Variants in PDE8A observed in about 807,000 individuals in gnomAD.
The protein encoded by PDE8A is high affinity cAMP-specific and IBMX-insensitive 3',5'-cyclic phosphodiesterase 8A.
A neutral mutation model predicts 105.0 loss-of-function variants in PDE8A; 59 were observed. That is an observed-to-expected ratio of 0.56 (90% CI 0.46 to 0.70). The LOEUF (loss-of-function observed/expected upper bound fraction) is 0.70. Ranked by LOEUF, PDE8A falls within the 30% of genes least tolerant of loss-of-function variation. The probability of loss-of-function intolerance (pLI) is 0.00; values close to 1 mark genes in which losing one functional copy is unlikely to be tolerated. For missense variants in PDE8A, 1,014 were observed against 1,045.9 expected (o/e 0.97, Z 0.42); for synonymous variants, 355 against 371.9 (o/e 0.95, Z 0.52).
At chr15:84,988,572 A>G (rs2079839384) in intron 1 of PDE8A, among the ~76,000 whole-genome samples, 1 of 152,224 alleles carries the variant, frequency 6.6e-6, no homozygotes, top group South Asian at 2.1e-4. Context: ...TCTCCTGCTC[A>G]GGTTTCAGGC....
chr15:85,126,183 C>T, intron 19 of PDE8A, 24 bp from the exon 20 acceptor site: 2 of 1,584,532 alleles, frequency 1.3e-6, no homozygotes, highest in East Asian at 2.3e-5. Context: ...ATTTTGATTG[C>T]TTTGAATTCC....
chr15:85,138,640 C>CTGAT lies in PDE8A; in HGVS notation c.*741_*744dup, dbSNP rs1193057557. The CTGAT allele has an allele frequency of 2.0e-5, 3 of 152,504 alleles. No homozygotes were observed. The highest frequency in any genetic ancestry group is 6.5e-5 in the Admixed American group (1 of 15,282). 9.4% of individuals were successfully genotyped at this position (152,504 alleles called of 1,614,324 possible). ...AAATATTCATGTATGTTAAACTTTT[C>CTGAT]TGATTGAGGCTAACTGGAAAAAGCT... On this transcript the variant is annotated 3_prime_UTR_variant, in exon 22 of 22. Transcript: ENST00000394553.
intron 1 of PDE8A, among the ~76,000 whole-genome samples, chr15:85,023,511 C>T (rs2080462946): frequency 6.6e-6 from 1 of 151,918 alleles, no homozygotes; most frequent in South Asian, 2.1e-4. Context: ...CCATGGTGGT[C>T]TATACAGAAC....
At chr15:85,059,419 G>A (rs1253386115) in intron 1 of PDE8A, among the ~76,000 whole-genome samples, 2 of 152,168 alleles carry the variant, frequency 1.3e-5, no homozygotes, top group Non-Finnish European at 2.9e-5. Context: ...ATTATTGAGA[G>A]GGGGGTGTTG....
intron 1 of PDE8A, among the ~76,000 whole-genome samples, chr15:85,017,820 G>A (rs1282431747): frequency 1.4e-5 from 2 of 143,748 alleles, no homozygotes; most frequent in Non-Finnish European, 3.0e-5. Flanking sequence ...CTGGGAGACA[G>A]AGGTTGCAGT....
intron 16 of PDE8A, among the ~76,000 whole-genome samples, chr15:85,116,645 T>A (rs556600289): frequency 1.5e-4 from 23 of 152,248 alleles, no homozygotes; most frequent in African/African-American, 5.5e-4. Context: ...CCAAAGGTGG[T>A]AGTTGGCTGG....
intron 11 of PDE8A, among the ~76,000 whole-genome samples, chr15:85,107,274 G>T (rs868819469): frequency 3.4e-4 from 51 of 152,166 alleles, no homozygotes; most frequent in African/African-American, 1.2e-3. Flanking sequence ...ATAGTTCAAG[G>T]TGGATAGAGA....
intron 1 of PDE8A, among the ~76,000 whole-genome samples, chr15:85,007,410 C>T (rs988990509): frequency 6.7e-6 from 1 of 149,986 alleles, no homozygotes; most frequent in East Asian, 2.0e-4. Context: ...GGACACAGGG[C>T]GGCTTCTAGT....
At chr15:85,107,621 CT>C (rs1256548055) in intron 11 of PDE8A, among the ~76,000 whole-genome samples, 1 of 152,092 alleles carries the variant, frequency 6.6e-6, no homozygotes, top group Non-Finnish European at 1.5e-5. Flanking sequence ...TGATGGATGA[CT>C]TCTGTCTACC....
At chr15:85,094,143 G>A (rs542650470) in intron 8 of PDE8A, among the ~76,000 whole-genome samples, 11 of 152,212 alleles carry the variant, frequency 7.2e-5, no homozygotes, top group South Asian at 6.2e-4. Flanking sequence ...GATTACAGGC[G>A]TGAGCCACCA....
intron 1 of PDE8A, among the ~76,000 whole-genome samples, chr15:85,043,704 GTTTGTTTT>G (rs907008091): frequency 3.7e-5 from 4 of 107,226 alleles, no homozygotes; most frequent in East Asian, 2.8e-4. Context: ...TTGTTTGTTT[GTTTGTTTT>G]TTTGAGGCAG....
intron 1 of PDE8A, among the ~76,000 whole-genome samples, chr15:84,998,818 G>A (rs1378966504): frequency 2.6e-5 from 4 of 152,188 alleles, no homozygotes; most frequent in African/African-American, 4.8e-5. Flanking sequence ...TCCTTGGGAT[G>A]AAGAAGTCAG....
intron 1 of PDE8A, among the ~76,000 whole-genome samples, chr15:85,024,018 C>CA (rs3042742): frequency 6.6e-6 from 1 of 150,810 alleles, no homozygotes; most frequent in African/African-American, 2.4e-5. Context: ...CTCAGATTTC[C>CA]AAAAAAAAGT....
intron 1 of PDE8A, among the ~76,000 whole-genome samples, chr15:84,996,427 G>A (rs2079977321): frequency 6.6e-6 from 1 of 152,108 alleles, no homozygotes; most frequent in African/African-American, 2.4e-5. Flanking sequence ...GGATACTCCT[G>A]CCTTAGCCTC....
At chr15:85,047,573 T>C (rs557211619) in intron 1 of PDE8A, among the ~76,000 whole-genome samples, 1 of 152,350 alleles carries the variant, frequency 6.6e-6, no homozygotes, top group South Asian at 2.1e-4. Flanking sequence ...TTTAAAATGA[T>C]ATTGCTAAAA....
intron 1 of PDE8A, among the ~76,000 whole-genome samples, chr15:85,048,457 C>T (rs2080920989): frequency 6.6e-6 from 1 of 152,110 alleles, no homozygotes; most frequent in Non-Finnish European, 1.5e-5. Context: ...CTCTCTGACC[C>T]TGCTTTATTG....
intron 6 of PDE8A, among the ~76,000 whole-genome samples, chr15:85,085,769 A>G (rs1445667179): frequency 6.6e-6 from 1 of 151,364 alleles, no homozygotes; most frequent in East Asian, 1.9e-4. Context: ...GCACTTTGGG[A>G]GGCTGAGGTT....
chr15:85,019,936 T>C (rs949118110), intron 1 of PDE8A, among the ~76,000 whole-genome samples: 2 of 138,824 alleles, frequency 1.4e-5, no homozygotes, highest in Non-Finnish European at 3.0e-5. Flanking sequence ...GGGGGAGTTT[T>C]TTTTTGGTTT....
chr15:85,029,333 A>G (rs542012359), intron 1 of PDE8A, among the ~76,000 whole-genome samples: 8 of 151,338 alleles, frequency 5.3e-5, no homozygotes, highest in Non-Finnish European at 1.2e-4. Flanking sequence ...GGAAACTTAC[A>G]TCTCTTTCCT....
Sources: gnomAD v4.1 joint callset for allele counts (sites outside exome capture counted in the v4.1 genomes callset) on GRCh38, gnomAD v4.1.1 for gene constraint, MANE v1.5 for transcripts, NCBI Gene and HGNC (gene_info 2026-07-23, HGNC 2026-07-21) for gene names.